KCNH1: variants seen among roughly 807,000 people sequenced by gnomAD.
The protein encoded by KCNH1 is potassium voltage-gated channel subfamily H member 1, also known as voltage-gated delayed rectifier potassium channel KCNH1.
KCNH1 carries 27 observed loss-of-function variants against 69.2 expected under a neutral mutation model. The ratio of observed to expected loss-of-function variants is 0.39; its 90% confidence interval spans 0.29 to 0.54. KCNH1 has a LOEUF of 0.54. Among genes scored for constraint, KCNH1 ranks in the 20% least tolerant of loss-of-function variants. The probability of loss-of-function intolerance (pLI) is 0.68; values close to 1 mark genes in which losing one functional copy is unlikely to be tolerated. For synonymous variants in KCNH1, 456 were observed against 487.7 expected (o/e 0.93, Z 0.86); for missense variants, 798 against 1,261.6 (o/e 0.63, Z 5.57).
chr1:210,878,806 T>C (rs1440591788), intron 7 of KCNH1, among the ~76,000 whole-genome samples: 1 of 151,920 alleles, frequency 6.6e-6, no homozygotes, highest in Admixed American at 6.6e-5. Context: ...ATCAATAAAA[T>C]TTAAAAATCA....
At chr1:210,715,094 G>C (rs559320685) in intron 10 of KCNH1, among the ~76,000 whole-genome samples, 91 of 152,266 alleles carry the variant, frequency 6.0e-4, no homozygotes, top group African/African-American at 2.2e-3. Context: ...CTCAATAGGG[G>C]GCCTGACAGC....
intron 6 of KCNH1, among the ~76,000 whole-genome samples, chr1:210,989,013 A>T (rs910744544): frequency 2.0e-5 from 3 of 151,972 alleles, no homozygotes; most frequent in African/African-American, 7.3e-5. Flanking sequence ...CTTAGATAAC[A>T]TTTTTTTTCT....
intron 7 of KCNH1, among the ~76,000 whole-genome samples, chr1:210,899,984 G>A (rs1448689630): frequency 2.0e-5 from 3 of 152,172 alleles, no homozygotes; most frequent in South Asian, 2.1e-4. Flanking sequence ...AAGACCCATC[G>A]TGAGGGAAGA....
intron 3 of KCNH1, 119 bp from the exon 4 acceptor site, chr1:211,090,809 A>G: frequency 1.1e-6 from 1 of 935,716 alleles, no homozygotes; most frequent in Non-Finnish European, 1.6e-6. Flanking sequence ...TGGTCTTATT[A>G]ATACTTCAAG....
intron 6 of KCNH1, among the ~76,000 whole-genome samples, chr1:210,943,347 T>TA (rs1377462222): frequency 6.6e-6 from 1 of 151,418 alleles, no homozygotes; most frequent in Non-Finnish European, 1.5e-5. Context: ...ATTTTTTATT[T>TA]TTTATTTATT....
intron 5 of KCNH1, among the ~76,000 whole-genome samples, chr1:211,038,650 G>T (rs552591432): frequency 6.6e-6 from 1 of 152,296 alleles, no homozygotes; most frequent in South Asian, 2.1e-4. Context: ...TGAGGAACTT[G>T]TTGGGGACTG....
intron 10 of KCNH1, among the ~76,000 whole-genome samples, chr1:210,741,834 T>G (rs139246064): frequency 1.3e-3 from 201 of 152,272 alleles, no homozygotes; most frequent in African/African-American, 4.8e-3. Flanking sequence ...TCTGTGTTAC[T>G]TAACTTGACA....
At chr1:210,775,842 T>A (rs1382368641) in intron 9 of KCNH1, among the ~76,000 whole-genome samples, 1 of 152,244 alleles carries the variant, frequency 6.6e-6, no homozygotes, top group Non-Finnish European at 1.5e-5. Context: ...ACACCCATTA[T>A]TCTTTATCAC....
chr1:211,043,366 G>T (rs1571602383), intron 5 of KCNH1, among the ~76,000 whole-genome samples: 2 of 152,084 alleles, frequency 1.3e-5, no homozygotes, highest in African/African-American at 4.8e-5. Flanking sequence ...GGAGATGGAT[G>T]AATTCCTGGA....
At chr1:211,056,589 C>A (rs1032747188) in intron 5 of KCNH1, among the ~76,000 whole-genome samples, 2 of 152,110 alleles carry the variant, frequency 1.3e-5, no homozygotes, top group African/African-American at 4.8e-5. Context: ...TTGGGTGGGA[C>A]CCAGTGTTGT....
chr1:210,732,753 CA>C (rs1437908430), intron 10 of KCNH1, among the ~76,000 whole-genome samples: 1 of 152,224 alleles, frequency 6.6e-6, no homozygotes, highest in Non-Finnish European at 1.5e-5. Flanking sequence ...GCACGTTCCT[CA>C]CAATGTAGCA....
chr1:211,104,912 A>T (rs1691324745), intron 2 of KCNH1, among the ~76,000 whole-genome samples: 1 of 152,216 alleles, frequency 6.6e-6, no homozygotes. Flanking sequence ...GCAATTTCTG[A>T]TCTAAAACTG....
At chr1:211,105,421 CT>C (rs1691333077) in intron 2 of KCNH1, among the ~76,000 whole-genome samples, 1 of 152,156 alleles carries the variant, frequency 6.6e-6, no homozygotes, top group Non-Finnish European at 1.5e-5. Context: ...ATCTTATGTA[CT>C]TTTTCAGGCT....
intron 7 of KCNH1, among the ~76,000 whole-genome samples, chr1:210,915,555 C>T (rs1293123081): frequency 6.7e-6 from 1 of 150,016 alleles, no homozygotes; most frequent in African/African-American, 2.5e-5. Context: ...GCAGGGAAAC[C>T]AGGGCAGAAG....
intron 5 of KCNH1, among the ~76,000 whole-genome samples, chr1:211,050,513 C>T (rs1424823510): frequency 2.6e-5 from 4 of 152,098 alleles, no homozygotes; most frequent in East Asian, 1.9e-4. Flanking sequence ...ATTAACCATA[C>T]GCTTTACACT....
At chr1:210,810,096 C>A (rs1392481584) in intron 7 of KCNH1, among the ~76,000 whole-genome samples, 2 of 152,084 alleles carry the variant, frequency 1.3e-5, no homozygotes, top group African/African-American at 2.4e-5. Flanking sequence ...GAGACATCTT[C>A]TAATAGCTTT....
At chr1:210,779,733 A>T (rs1683938412) in intron 9 of KCNH1, among the ~76,000 whole-genome samples, 1 of 152,170 alleles carries the variant, frequency 6.6e-6, no homozygotes, top group African/African-American at 2.4e-5. Context: ...GCTGGGAAAA[A>T]AAAAAGAAGG....
intron 5 of KCNH1, among the ~76,000 whole-genome samples, chr1:211,060,864 C>T (rs1405496367): frequency 6.6e-6 from 1 of 152,102 alleles, no homozygotes. Flanking sequence ...TGGCTTCACG[C>T]TTAATTTTAC....
intron 6 of KCNH1, among the ~76,000 whole-genome samples, chr1:210,979,584 T>C (rs1022408088): frequency 6.6e-6 from 1 of 152,232 alleles, no homozygotes; most frequent in Non-Finnish European, 1.5e-5. Flanking sequence ...TTCTCATCTC[T>C]GTGAATTTAT....
Sources: allele counts gnomAD v4.1 joint callset (sites outside exome capture counted in the v4.1 genomes callset), GRCh38; gene constraint gnomAD v4.1.1; transcripts MANE v1.5; gene names NCBI Gene and HGNC (gene_info 2026-07-23, HGNC 2026-07-21).